Variants in USP37 observed in about 807,000 individuals in gnomAD.
USP37 encodes ubiquitin carboxyl-terminal hydrolase 37.
Under a neutral mutation model 124.0 loss-of-function variants are expected in USP37, and 27 were observed. The observed-to-expected ratio is 0.22, with a 90% confidence interval of 0.16 to 0.30. USP37 has a LOEUF of 0.30. Among genes scored for constraint, USP37 ranks in the 10% least tolerant of loss-of-function variants. The probability of loss-of-function intolerance (pLI) is 1.00; values close to 1 mark genes in which losing one functional copy is unlikely to be tolerated. For missense variants in USP37, 889 were observed against 1,140.4 expected (o/e 0.78, Z 3.17); for synonymous variants, 365 against 388.0 (o/e 0.94, Z 0.70).
At chr2:218,458,605 T>A (rs558700254) in intron 23 of USP37, among the ~76,000 whole-genome samples, 1 of 151,782 alleles carries the variant, frequency 6.6e-6, no homozygotes, top group African/African-American at 2.4e-5. Flanking sequence ...TAAAATAAAA[T>A]AAGGAAAATG....
chr2:218,550,884 G>A (rs1692633774), intron 5 of USP37, among the ~76,000 whole-genome samples: 1 of 151,792 alleles, frequency 6.6e-6, no homozygotes, highest in South Asian at 2.1e-4. Context: ...TTGTCACTCT[G>A]GCTACTATTT....
chr2:218,540,821 CAT>C (rs1691931976), intron 8 of USP37, among the ~76,000 whole-genome samples: 1 of 152,102 alleles, frequency 6.6e-6, no homozygotes, highest in Admixed American at 6.6e-5. Context: ...TCCAAGGACT[CAT>C]AGGAGTATCT....
chr2:218,498,111 A>G lies in USP37; in HGVS notation c.1072T>C (p.Ser358Pro). The change falls in exon 12 of 26, where the codon TCT becomes CCT. Residue 358 changes from serine (S) to proline (P), a missense_variant. Physicochemically the swap from Ser to Pro is moderately conservative, Grantham distance 74. Transcript: ENST00000258399. ...GCAAATGACTGGAGTGAAAATAGAG[A>G]TTGTAGAATAGCATTCATATAGCAG... ...NTCYMNAILQ[S>P]LFSLQSFAND... 6.2e-7 allele frequency: 1 copy of G among 1,605,390 alleles called. No individual in the cohort carries two copies. The highest frequency in any genetic ancestry group is 8.5e-7 in the Non-Finnish European group (1 of 1,178,052).
At chr2:218,484,220 G>C (rs1357877428) in intron 16 of USP37, among the ~76,000 whole-genome samples, 2 of 152,110 alleles carry the variant, frequency 1.3e-5, no homozygotes, top group East Asian at 3.9e-4. Flanking sequence ...TGCCCAGGCT[G>C]GTCTTGAACT....
rs1482220864 is a variant in USP37 at position 218,451,621 on chromosome 2, C to T, written c.*3309G>A. On this transcript the variant is annotated 3_prime_UTR_variant, in exon 26 of 26. Transcript: ENST00000258399. ...ATAGTTACATAATGGTAACTACACA[C>T]GATACAGAAGAATCAGTAAATTCAT... 8 of 151,766 alleles carry T rather than the reference C, an allele frequency of 5.3e-5. No individual in the cohort carries two copies. Among genetic ancestry groups the T allele is most frequent in the East Asian group, 1.9e-4 (1 of 5,170 alleles). The allele number at this position is 151,766 out of a possible 1,614,324, so 9.4% of individuals were successfully genotyped here.
intron 11 of USP37, among the ~76,000 whole-genome samples, chr2:218,499,854 G>A (rs1052259695): frequency 1.6e-4 from 24 of 150,916 alleles, no homozygotes; most frequent in African/African-American, 5.1e-4. Flanking sequence ...TGATGACAAC[G>A]TACTGCAGCC....
At chr2:218,489,183 C>A (rs1437564740) in intron 14 of USP37, among the ~76,000 whole-genome samples, 1 of 150,300 alleles carries the variant, frequency 6.7e-6, no homozygotes, top group Admixed American at 6.6e-5. Context: ...CATGGTGAAA[C>A]CTTGTCTCTA....
chr2:218,460,806 TG>T (rs746160226), intron 22 of USP37, among the ~76,000 whole-genome samples: 78 of 152,176 alleles, frequency 5.1e-4, no homozygotes, highest in South Asian at 1.5e-3. Context: ...CCAGGTGTGG[TG>T]GCGCACACCA....
intron 10 of USP37, chr2:218,528,863 A>C: frequency 2.6e-6 from 1 of 379,410 alleles, no homozygotes; most frequent in Non-Finnish European, 4.6e-6. Flanking sequence ...TAGAATTGGC[A>C]ATTAAATATC....
At chr2:218,533,435 C>CGTCT (rs1691448086) in intron 9 of USP37, among the ~76,000 whole-genome samples, 1 of 152,140 alleles carries the variant, frequency 6.6e-6, no homozygotes. Flanking sequence ...ACATTTAAAA[C>CGTCT]ATCTACGTTT....
At chr2:218,458,255 A>T (rs1689812736) in intron 23 of USP37, among the ~76,000 whole-genome samples, 1 of 119,312 alleles carries the variant, frequency 8.4e-6, no homozygotes, top group African/African-American at 3.3e-5. Context: ...ACCTTGCCTA[A>T]AAAAAAAAAA....
intron 20 of USP37, among the ~76,000 whole-genome samples, chr2:218,473,859 G>A (rs964819696): frequency 1.3e-5 from 2 of 152,258 alleles, no homozygotes; most frequent in Middle Eastern, 3.4e-3. Context: ...GTCTTTGTGC[G>A]AACATCTTCG....
intron 19 of USP37, among the ~76,000 whole-genome samples, chr2:218,475,598 A>T (rs976535942): frequency 6.6e-6 from 1 of 152,156 alleles, no homozygotes; most frequent in Non-Finnish European, 1.5e-5. Flanking sequence ...TTAGCCAGGC[A>T]TGGTGGCACG....
chr2:218,551,798 CTT>C (rs202058272), intron 5 of USP37, among the ~76,000 whole-genome samples: 2 of 145,918 alleles, frequency 1.4e-5, no homozygotes, highest in Non-Finnish European at 1.5e-5. Context: ...TTTCTTGATT[CTT>C]TTTTTTTTTT....
intron 11 of USP37, among the ~76,000 whole-genome samples, chr2:218,508,302 T>TA (rs1284107335): frequency 6.6e-6 from 1 of 151,996 alleles, no homozygotes; most frequent in Non-Finnish European, 1.5e-5. Context: ...AAGGAGTTCT[T>TA]AGTCCTGAGT....
At chr2:218,458,253 TAA>T (rs33911503) in intron 23 of USP37, among the ~76,000 whole-genome samples, 52 of 70,946 alleles carry the variant, frequency 7.3e-4, no homozygotes, top group African/African-American at 2.4e-3. Flanking sequence ...AGACCTTGCC[TAA>T]AAAAAAAAAA....
chr2:218,481,091 TC>T (rs1394628711), intron 17 of USP37, among the ~76,000 whole-genome samples: 1 of 152,164 alleles, frequency 6.6e-6, no homozygotes, highest in Non-Finnish European at 1.5e-5. Flanking sequence ...AAACTAGTGT[TC>T]AAGTATAGAA....
At chr2:218,503,093 A>G (rs945504780) in intron 11 of USP37, among the ~76,000 whole-genome samples, 1 of 152,208 alleles carries the variant, frequency 6.6e-6, no homozygotes, top group African/African-American at 2.4e-5. Flanking sequence ...TTAAAAGCAA[A>G]ATCCTTTTTC....
At chr2:218,522,229 C>G (rs1690693806) in intron 10 of USP37, among the ~76,000 whole-genome samples, 1 of 151,834 alleles carries the variant, frequency 6.6e-6, no homozygotes, top group Non-Finnish European at 1.5e-5. Flanking sequence ...AGGCCTTCTT[C>G]AAAATTATCT....
Sources: allele counts gnomAD v4.1 joint callset (sites outside exome capture counted in the v4.1 genomes callset), GRCh38; gene constraint gnomAD v4.1.1; transcripts MANE v1.5; gene names NCBI Gene and HGNC (gene_info 2026-07-23, HGNC 2026-07-21).